TMEM132E: variants seen among roughly 807,000 people sequenced by gnomAD.
TMEM132E encodes transmembrane protein 132E.
Under a neutral mutation model 78.5 loss-of-function variants are expected in TMEM132E, and 49 were observed. That is an observed-to-expected ratio of 0.62 (90% CI 0.50 to 0.79). The LOEUF is 0.79. Among genes scored for constraint, TMEM132E ranks in the 30% least tolerant of loss-of-function variants. TMEM132E has a pLI of 0.00. For synonymous variants in TMEM132E, 715 were observed against 670.6 expected (o/e 1.07, Z -1.02); for missense variants, 1,403 against 1,470.9 (o/e 0.95, Z 0.75).
At chr17:34,627,118 C>A in intron 2 of TMEM132E, 61 bp downstream of exon 2, 1 of 1,502,112 alleles carries the variant, frequency 6.7e-7, no homozygotes, top group Non-Finnish European at 9.2e-7. Flanking sequence ...ATACCTGACT[C>A]CTTGTGGGTG....
chr17:34,603,173 T>G (rs1434154466), intron 1 of TMEM132E, among the ~76,000 whole-genome samples: 1 of 152,122 alleles, frequency 6.6e-6, no homozygotes, highest in Non-Finnish European at 1.5e-5. Flanking sequence ...GAGACAGTGA[T>G]GCACAGAGGA....
Position 34,626,726 on chromosome 17 carries a change from G to T in TMEM132E, c.667G>T (p.Ala223Ser). The T allele has an allele frequency of 7.3e-7, 1 of 1,377,892 alleles. No individual in the cohort carries two copies. Among genetic ancestry groups the T allele is most frequent in the Non-Finnish European group, 9.5e-7 (1 of 1,049,090 alleles). The allele number at this position is 1,377,892 out of a possible 1,614,324, so 85.4% of individuals were successfully genotyped here. Residue 223 changes from alanine to serine, a missense_variant, in exon 2 of 9, where the codon GCG (alanine) becomes TCG (serine). Around this residue, in one of 3 missense-constraint regions of TMEM132E, gnomAD observed 511 missense variants for 499.0 expected, o/e 1.02. Transcript: ENST00000631683. ...RKSPDGLEPE[A>S]TGESQQAELY... ...GTCCCCGGACGGGCTGGAGCCCGAG[G>T]CGACGGGGGAGAGCCAGCAGGCCGA...
At chr17:34,607,386 CT>C (rs1906450715) in intron 1 of TMEM132E, among the ~76,000 whole-genome samples, 1 of 152,170 alleles carries the variant, frequency 6.6e-6, no homozygotes, top group Non-Finnish European at 1.5e-5. Context: ...GGGAGGACCC[CT>C]ATTCTTCCTG....
chr17:34,602,459 A>G (rs765323831), intron 1 of TMEM132E, among the ~76,000 whole-genome samples: 1 of 152,166 alleles, frequency 6.6e-6, no homozygotes, highest in Non-Finnish European at 1.5e-5. Context: ...TCACATTTGG[A>G]GAGTTGGCCT....
At chr17:34,612,932 G>C (rs1164675087) in intron 1 of TMEM132E, among the ~76,000 whole-genome samples, 1 of 152,084 alleles carries the variant, frequency 6.6e-6, no homozygotes, top group African/African-American at 2.4e-5. Context: ...GTGACACTCA[G>C]CCAGTACCTA....
intron 1 of TMEM132E, among the ~76,000 whole-genome samples, chr17:34,613,624 A>C (rs1906686554): frequency 6.7e-6 from 1 of 148,722 alleles, no homozygotes; most frequent in Non-Finnish European, 1.5e-5. Flanking sequence ...GCCTCCCCCT[A>C]TCTCTTTCCT....
At chr17:34,607,578 A>T (rs1906456513) in intron 1 of TMEM132E, among the ~76,000 whole-genome samples, 1 of 151,830 alleles carries the variant, frequency 6.6e-6, no homozygotes, top group Non-Finnish European at 1.5e-5. Flanking sequence ...GTTAACACAG[A>T]CTCCACAGGT....
chr17:34,630,178 G>A, intron 5 of TMEM132E, 27 bp downstream of exon 5: 2 of 1,601,382 alleles, frequency 1.2e-6, no homozygotes, highest in South Asian at 2.2e-5. Context: ...TGGGGCCCCT[G>A]GGGAAGAAGC....
intron 1 of TMEM132E, among the ~76,000 whole-genome samples, chr17:34,613,176 C>CTCT (rs1906651902): frequency 7.8e-5 from 7 of 89,370 alleles, no homozygotes; most frequent in African/African-American, 2.3e-4. Context: ...TCTCTCTCTA[C>CTCT]ACACACACAC....
intron 1 of TMEM132E, among the ~76,000 whole-genome samples, chr17:34,582,590 G>C (rs1000599161): frequency 6.6e-6 from 1 of 151,978 alleles, no homozygotes; most frequent in African/African-American, 2.4e-5. Flanking sequence ...GCAGAGCAGC[G>C]AGCCAGCAGG....
chr17:34,603,316 C>T (rs562306029), intron 1 of TMEM132E, among the ~76,000 whole-genome samples: 6 of 152,062 alleles, frequency 3.9e-5, no homozygotes, highest in African/African-American at 1.2e-4. Flanking sequence ...CACAGACCCT[C>T]GGACCCCCAG....
intron 1 of TMEM132E, among the ~76,000 whole-genome samples, chr17:34,618,835 A>G (rs1906864744): frequency 6.6e-6 from 1 of 152,150 alleles, no homozygotes; most frequent in South Asian, 2.1e-4. Context: ...ATAATTCCCC[A>G]TTTGCCTAGG....
At chr17:34,615,451 C>T (rs1694176396) in intron 1 of TMEM132E, among the ~76,000 whole-genome samples, 1 of 151,318 alleles carries the variant, frequency 6.6e-6, no homozygotes, top group African/African-American at 2.4e-5. Context: ...AAGGAGTGGC[C>T]AGTTTAGGAT....
Position 34,629,835 on chromosome 17 carries a change from A to G in TMEM132E, c.1339-173A>G, listed in dbSNP as rs538248380. The stretch of plus-strand genomic sequence containing the variant: ...GCCCGAGTGAGCAGACCATCTGTCA[A>G]GGAGTGCCAGGAGGGGTGGTTGCCT... On this transcript the variant is annotated intron_variant, in intron 4 of 8. Transcript: ENST00000631683. 7.2e-5 allele frequency among the ~76,000 whole-genome samples: 11 copies of G among 152,202 alleles called. No homozygotes were observed. In the East Asian group the frequency reaches 2.1e-3, roughly 30 times the overall value.
In TMEM132E at chr17:34,609,064, G is replaced by A. The variant is rs191964829; in HGVS notation, c.68-17063G>A. ...TAACCAGCCTGGCTCTACAGCAGTC[G>A]GGACAGTCTTCCTGGAGAAGGTGGG... On this transcript the variant is annotated intron_variant, in intron 1 of 8. Coordinates refer to ENST00000631683, the MANE Select transcript of TMEM132E (RefSeq NM_001304438.2). Among the ~76,000 whole-genome samples the A allele has an allele frequency of 7.6e-4, 115 of 152,278 alleles. 2 individuals are homozygous for A. Among genetic ancestry groups the A allele is most frequent in the Non-Finnish European group, 1.4e-3 (95 of 68,030 alleles).
intron 1 of TMEM132E, among the ~76,000 whole-genome samples, chr17:34,581,870 A>G (rs1007141463): frequency 2.6e-5 from 4 of 151,812 alleles, no homozygotes; most frequent in Admixed American, 2.0e-4. Context: ...GGGTGGGAGA[A>G]GGAGGGATTG....
At chr17:34,581,835 C>A (rs1423939511) in intron 1 of TMEM132E, among the ~76,000 whole-genome samples, 1 of 152,026 alleles carries the variant, frequency 6.6e-6, no homozygotes, top group Non-Finnish European at 1.5e-5. Flanking sequence ...GCTCCCCAGG[C>A]TCGCCCCGGG....
intron 1 of TMEM132E, among the ~76,000 whole-genome samples, chr17:34,605,653 T>A (rs1361940052): frequency 6.6e-6 from 1 of 152,160 alleles, no homozygotes; most frequent in African/African-American, 2.4e-5. Context: ...TATTCGCTAT[T>A]GCCACGATAA....
chr17:34,613,197 C>CCA lies in TMEM132E; in HGVS notation c.68-12916_68-12915dup, dbSNP rs56682554. 2.5e-3 allele frequency among the ~76,000 whole-genome samples: 326 copies of CCA among 131,124 alleles called. 3 individuals are homozygous for CCA. The highest frequency in any genetic ancestry group is 3.9e-3 in the Admixed American group (51 of 12,970). 86.0% of individuals were successfully genotyped at this position (131,124 alleles called of 152,430 possible). A position where few individuals can be genotyped will look rare whatever the true frequency, so the allele number is the denominator to read the frequency against. ...TCTACACACACACACACACACACAC[C>CCA]CACACACACACACACGCGCGCGCGC... On this transcript the variant is annotated intron_variant, in intron 1 of 8. Transcript: ENST00000631683.
Sources: allele counts gnomAD v4.1 joint callset (sites outside exome capture counted in the v4.1 genomes callset), GRCh38; gene constraint gnomAD v4.1.1; regional missense constraint gnomAD v4.1.1; transcripts MANE v1.5; gene names NCBI Gene and HGNC (gene_info 2026-07-23, HGNC 2026-07-21).